Variants in DNAH17 observed in about 807,000 individuals in gnomAD.
DNAH17 encodes axonemal beta dynein heavy chain 17.
DNAH17 carries 376 observed loss-of-function variants against 485.6 expected under a neutral mutation model. The observed-to-expected ratio is 0.77, with a 90% CI of 0.71 to 0.84. The LOEUF (loss-of-function observed/expected upper bound fraction) is 0.84, where lower values mean the gene tolerates loss of function less well. DNAH17 is among the 40% of genes least tolerant of loss of function. The probability of loss-of-function intolerance (pLI) is 0.00; values close to 1 mark genes in which losing one functional copy is unlikely to be tolerated. For missense variants in DNAH17, 6,370 were observed against 5,839.3 expected, an observed-to-expected ratio of 1.09 and a Z score of -2.96; for synonymous variants, 3,031 against 2,405.9, an observed-to-expected ratio of 1.26 and a Z score of -7.60.
intron 54 of DNAH17, among the ~76,000 whole-genome samples, chr17:78,473,437 A>G (rs150158469): frequency 0.016 from 2,373 of 150,680 alleles, 57 homozygotes; most frequent in African/African-American, 0.054. Context: ...CCAGCTACTC[A>G]GGAGGCTGAG....
In DNAH17 at chr17:78,570,957, G is replaced by A; in HGVS notation, c.909C>T (p.Asp303=). 6.3e-7 allele frequency: 1 copy of A among 1,587,696 alleles called. No homozygotes were observed. Among genetic ancestry groups the A allele is most frequent in the Non-Finnish European group, 8.6e-7 (1 of 1,167,132 alleles). ...TCCCTTGCCTGCGCACCATCGTGAAGTCGGCTTGTTCCATCTCCTCCAGCA... is the reference window on the plus strand; with the variant it reads ...TCCCTTGCCTGCGCACCATCGTGAAATCGGCTTGTTCCATCTCCTCCAGCA... ...RILLEEMEQA[D]FTMLPTFIAK... is the part of the protein sequence containing the mutation. The change falls in exon 6 of 81, where the codon GAC becomes GAT. Residue 303 remains aspartate, a synonymous_variant. Transcript: ENST00000389840.
chr17:78,537,454 G>C lies in DNAH17; in HGVS notation c.2704C>G (p.Arg902Gly), dbSNP rs761601249. 1 of 1,613,380 alleles carries C rather than the reference G, an allele frequency of 6.2e-7. No homozygotes were observed. The change falls in exon 19 of 81, where the codon CGC becomes GGC. Residue 902 changes from arginine to glycine, a missense_variant. By Grantham distance (125) the Arg-to-Gly change is moderately radical (BLOSUM62 -2). Coordinates refer to ENST00000389840, the MANE Select transcript of DNAH17 (RefSeq NM_173628.4). ...DESIAPLFEI[R>G]MELDEDGLTF... is the part of the protein sequence containing the mutation. The stretch of plus-strand genomic sequence containing the variant: ...AGCCCATCCTCGTCCAGCTCCATGC[G>C]GATCTCAAACAGGGGAGCGATACTC...
rs1404678334 is a variant in DNAH17, at chr17:78,529,561, C to A, written c.3418G>T (p.Asp1140Tyr). 6.2e-7 allele frequency: 1 copy of A among 1,613,974 alleles called. No individual in the cohort carries two copies. Among genetic ancestry groups the A allele is most frequent in the Non-Finnish European group, 8.5e-7 (1 of 1,179,888 alleles). The change falls in exon 22 of 81, where the codon GAC (aspartate) becomes TAC (tyrosine). Residue 1140 changes from aspartate to tyrosine, a missense_variant. By Grantham distance (160) the Asp-to-Tyr change is radical. Coordinates refer to ENST00000389840, the MANE Select transcript of DNAH17 (RefSeq NM_173628.4). The part of the protein sequence containing the change: ...MKVKERQAAT[D>Y]NMFEPLKQTI... ...TGCTTCAGGGGCTCAAACATGTTGT[C>A]GGTGGCTGCTTGCCTCTCCTTGACT...
rs1367698074 is a variant in DNAH17, at chr17:78,560,872, C to G, written c.1899G>C (p.Leu633=). The change falls in exon 13 of 81, where the codon CTG becomes CTC. Residue 633 remains leucine (L), a synonymous_variant. Transcript: ENST00000389840. Reference sequence around the variant, plus strand: ...GGTAGATCTTCTCGCGGTGGCACCTCAGCAGCTCCATCATCTCGTCATACT... The same window carrying G: ...GGTAGATCTTCTCGCGGTGGCACCTGAGCAGCTCCATCATCTCGTCATACT... ...YQKYDEMMEL[L]RCHREKIYQQ... The G allele has an allele frequency of 5.2e-6, 8 of 1,551,758 alleles. No individual in the cohort carries two copies. The East Asian group carries it at 1.7e-4, about 33-fold the overall frequency.
At position 78,468,424 on chromosome 17, in the gene DNAH17, C is replaced by G. The variant is rs537310586; in HGVS notation, c.8778+193G>C. On this transcript the variant is annotated intron_variant, in intron 55 of 80. Transcript: ENST00000389840. ...AACATTTCTTTTGGCCCCAAGATAC[C>G]TCTAACGACCCACGTGAAAAAGTCT... 9.2e-5 allele frequency among the ~76,000 whole-genome samples: 14 copies of G among 152,264 alleles called. No homozygotes were observed. In the East Asian group the frequency reaches 2.3e-3, roughly 25 times the overall value.
In DNAH17 at chr17:78,496,125, G is replaced by T; in HGVS notation, c.5746-93C>A. On this transcript the variant is annotated intron_variant, in intron 37 of 80. Transcript: ENST00000389840. Reference sequence around the variant, plus strand: ...CACATATGTTAAAGCATGAGGCTGCGAATTTGCGCCTGCAAATTCAAACCT... The same window carrying T: ...CACATATGTTAAAGCATGAGGCTGCTAATTTGCGCCTGCAAATTCAAACCT... The T allele has an allele frequency of 3.6e-6, 5 of 1,396,358 alleles. No homozygotes were observed. In the South Asian group the frequency reaches 6.3e-5, roughly 18 times the overall value. 86.5% of individuals were successfully genotyped at this position (1,396,358 alleles called of 1,614,324 possible). A position where few individuals can be genotyped will look rare whatever the true frequency, so the allele number is the denominator to read the frequency against.
intron 19 of DNAH17, among the ~76,000 whole-genome samples, chr17:78,534,071 A>G (rs2091310461): frequency 6.6e-6 from 1 of 152,218 alleles, no homozygotes; most frequent in African/African-American, 2.4e-5. Context: ...CAATTCTTTG[A>G]GATAGCAAAA....
chr17:78,469,973 G>A (rs1427088177), intron 54 of DNAH17, among the ~76,000 whole-genome samples: 1 of 152,072 alleles, frequency 6.6e-6, no homozygotes, highest in Admixed American at 6.6e-5. Flanking sequence ...GAAGATGAAA[G>A]GGTCCTGGAG....
chr17:78,530,464 T>C lies in DNAH17; in HGVS notation c.3163A>G (p.Thr1055Ala), dbSNP rs759698226. ...TGCAGCCAGCCGTGGAACACCTTGG[T>C]GTTCTCGCACTTGGACACCTCCTCA... is the stretch of plus-strand genomic sequence containing the variant. ...LYEEVSKCEN[T>A]KVFHGWLQCD... Residue 1055 changes from threonine (T) to alanine (A), a missense_variant, in exon 21 of 81, where the codon ACC becomes GCC. Transcript: ENST00000389840. The C allele has an allele frequency of 1.2e-5, 20 of 1,613,274 alleles. No homozygotes were observed. In the South Asian group the frequency reaches 2.0e-4, roughly 16 times the overall value.
At chr17:78,534,966 A>G (rs528500971) in intron 19 of DNAH17, among the ~76,000 whole-genome samples, 39 of 152,300 alleles carry the variant, frequency 2.6e-4, no homozygotes, top group Admixed American at 1.9e-3. Flanking sequence ...GGGACCCAGC[A>G]GTCTAGATGC....
intron 64 of DNAH17, 62 bp from the exon 65 acceptor site, chr17:78,453,527 G>A (rs1242038176): frequency 8.2e-6 from 13 of 1,592,154 alleles, no homozygotes; most frequent in East Asian, 4.5e-5. Flanking sequence ...CGGTGCGCAC[G>A]CTCCGACCAG....
In DNAH17 at chr17:78,490,429, G is replaced by A. The variant is rs1458794335; in HGVS notation, c.6818+270C>T. Among the ~76,000 whole-genome samples the A allele has an allele frequency of 2.8e-4, 42 of 152,164 alleles. 1 individual carries two copies. The highest frequency in any genetic ancestry group is 2.8e-3 in the Admixed American group (42 of 15,270). On this transcript the variant is annotated intron_variant, in intron 44 of 80. Coordinates refer to ENST00000389840, the MANE Select transcript of DNAH17 (RefSeq NM_173628.4). ...GGGAAGACTTCCCACCTCCACAGAGGCCAAGACCTCCCTTCCCACACCAGC... is the reference window on the plus strand; with the variant it reads ...GGGAAGACTTCCCACCTCCACAGAGACCAAGACCTCCCTTCCCACACCAGC...
At position 78,485,235 on chromosome 17, in the gene DNAH17, G is replaced by A. The variant is rs1014485345; in HGVS notation, c.7484-202C>T. The A allele has an allele frequency of 2.3e-4, 162 of 689,404 alleles. No individual in the cohort carries two copies. In the East Asian group the frequency reaches 4.2e-3, roughly 18 times the overall value. The allele number at this position is 689,404 out of a possible 1,614,324, so 42.7% of individuals were successfully genotyped here. A position where few individuals can be genotyped will look rare whatever the true frequency, so the allele number is the denominator to read the frequency against. ...AGGAATAAACAGAGCGATCAGAGGC[G>A]AGGGTGGCAGGAACCTTGCTCTCCG... On this transcript the variant is annotated intron_variant, in intron 47 of 80. Transcript: ENST00000389840.
At chr17:78,538,661 G>T (rs1258867851) in intron 18 of DNAH17, among the ~76,000 whole-genome samples, 1 of 152,190 alleles carries the variant, frequency 6.6e-6, no homozygotes, top group Non-Finnish European at 1.5e-5. Context: ...ACTCTTTGAG[G>T]AGAACCCTTT....
chr17:78,506,642 G>C (rs142619378), intron 30 of DNAH17, 78 bp downstream of exon 30: 1 of 1,597,614 alleles, frequency 6.3e-7, no homozygotes, highest in African/African-American at 1.3e-5. Flanking sequence ...CCACCCTAGG[G>C]CGGTTGAGGT....
Position 78,525,006 on chromosome 17 carries a change from C to T in DNAH17, c.3864+3G>A. The T allele has an allele frequency of 6.2e-7, 1 of 1,611,594 alleles. No homozygotes were observed. Among genetic ancestry groups the T allele is most frequent in the Non-Finnish European group, 8.5e-7 (1 of 1,178,240 alleles). ...CCACCCACGCGGCGTGCCCTGCACT[C>T]ACCACAACAACCATGTCCCAGAGCT... is the stretch of plus-strand genomic sequence containing the variant. On this transcript the variant is annotated splice_donor_region_variant and intron_variant, in intron 25 of 80. Coordinates refer to ENST00000389840, the MANE Select transcript of DNAH17 (RefSeq NM_173628.4).
chr17:78,433,609 C>T (rs938248959), intron 75 of DNAH17, among the ~76,000 whole-genome samples: 5 of 152,162 alleles, frequency 3.3e-5, no homozygotes, highest in Admixed American at 2.0e-4. Context: ...CTGACAGAGC[C>T]GTGGTGAGGC....
chr17:78,480,538 C>T (rs2089304011), intron 49 of DNAH17, 146 bp downstream of exon 49: 2 of 623,428 alleles, frequency 3.2e-6, no homozygotes, highest in African/African-American at 1.9e-5. Context: ...CTGGAATTTT[C>T]TGACACATTC....
intron 2 of DNAH17, among the ~76,000 whole-genome samples, chr17:78,574,127 G>A (rs1007784146): frequency 6.6e-6 from 1 of 152,204 alleles, no homozygotes; most frequent in Non-Finnish European, 1.5e-5. Flanking sequence ...GCTGTCCAGA[G>A]AGAACAAGGG....
Sources: allele counts gnomAD v4.1 joint callset (sites outside exome capture counted in the v4.1 genomes callset), GRCh38; gene constraint gnomAD v4.1.1; transcripts MANE v1.5; gene names NCBI Gene and HGNC (gene_info 2026-07-23, HGNC 2026-07-21).